The following RAB9B variants were observed in gnomAD, a reference collection of about 807,000 sequenced individuals.
The protein encoded by RAB9B is RAB9B, member RAS oncogene family, also known as ras-related protein Rab-9B.
Under a neutral mutation model 8.9 loss-of-function variants are expected in RAB9B, and 1 was observed. The observed-to-expected ratio is 0.11, with a 90% CI of 0.04 to 0.53. The LOEUF (loss-of-function observed/expected upper bound fraction) is 0.53, where lower values mean the gene tolerates loss of function less well. RAB9B is among the 20% of genes least tolerant of loss of function. The probability of loss-of-function intolerance (pLI) is 0.93; values close to 1 mark genes in which losing one functional copy is unlikely to be tolerated. For synonymous variants in RAB9B, 63 were observed against 57.0 expected, an observed-to-expected ratio of 1.10 and a Z score of -0.47; for missense variants, 82 against 152.9, an observed-to-expected ratio of 0.54 and a Z score of 2.45.
the RAB9B span, among the ~76,000 whole-genome samples, chrX:103,793,583 G>T: frequency 1.4e-3 from 162 of 111,965 alleles, no homozygotes; most frequent in African/African-American, 5.1e-3. Flanking sequence ...ACCATATTTT[G>T]GAGAATTGAT....
At chrX:103,806,978 T>C in the RAB9B span, among the ~76,000 whole-genome samples, 82 of 111,740 alleles carry the variant, frequency 7.3e-4, no homozygotes, top group African/African-American at 2.6e-3. Flanking sequence ...GAAGGAAAAG[T>C]TAAAAGATGG....
chrX:103,781,029 AGGG>A, the RAB9B span: 1 of 191,887 alleles, frequency 5.2e-6, no homozygotes, highest in African/African-American at 2.9e-5. Context: ...TCTATTGTAT[AGGG>A]TTCTTCTATC....
At chrX:103,781,371 T>C in the RAB9B span, 1 of 302,240 alleles carries the variant, frequency 3.3e-6, no homozygotes, top group Admixed American at 3.3e-5. Context: ...TGAGAAGGGC[T>C]TAAAGTTGGA....
chrX:103,813,604 A>G, the RAB9B span, among the ~76,000 whole-genome samples: 1 of 109,154 alleles, frequency 9.2e-6, no homozygotes, highest in African/African-American at 3.3e-5. Context: ...AAATGCCCCA[A>G]TTAAAAGACG....
At chrX:103,787,572 C>T in the RAB9B span, 14 of 444,647 alleles carry the variant, frequency 3.1e-5, no homozygotes, top group East Asian at 5.2e-4. Context: ...CCTCCTCACT[C>T]TTCCCCTACC....
At chrX:103,814,626 T>TA in the RAB9B span, among the ~76,000 whole-genome samples, 1 of 111,053 alleles carries the variant, frequency 9.0e-6, no homozygotes, top group African/African-American at 3.3e-5. Context: ...AAAAAACCCT[T>TA]AAAAAAATCA....
chrX:103,792,948 T>G, the RAB9B span, among the ~76,000 whole-genome samples: 375 of 112,635 alleles, frequency 3.3e-3, 1 homozygote, highest in African/African-American at 0.011. Context: ...CAACTATGGT[T>G]ACTTTTTCAA....
At chrX:103,817,940 T>C (rs950434679), downstream of RAB9B, among the ~76,000 whole-genome samples, 7 of 111,635 alleles carry the variant, frequency 6.3e-5, no homozygotes, top group Admixed American at 1.9e-4. Flanking sequence ...AGCACCTCTC[T>C]TTCCCCAACC....
At chrX:103,789,241 T>G in the RAB9B span, 1 of 689,912 alleles carries the variant, frequency 1.4e-6, no homozygotes, top group South Asian at 2.1e-5. Flanking sequence ...AAGAAAGATA[T>G]CAACACATTC....
chrX:103,793,577 T>C, the RAB9B span, among the ~76,000 whole-genome samples: 1 of 112,084 alleles, frequency 8.9e-6, no homozygotes. Flanking sequence ...CACAGCACCA[T>C]ATTTTGGAGA....
chrX:103,790,838 TAAG>T, the RAB9B span: 24 of 410,295 alleles, frequency 5.8e-5, no homozygotes, highest in Admixed American at 8.1e-5. Context: ...GGGAAATGCC[TAAG>T]AAGATGACTT....
the RAB9B span, among the ~76,000 whole-genome samples, chrX:103,797,281 G>A: frequency 4.6e-5 from 5 of 109,710 alleles, no homozygotes; most frequent in African/African-American, 1.7e-4. Context: ...TTGTAGAGAC[G>A]TGGTTTTGCC....
At chrX:103,802,252 CAGAGAG>C in the RAB9B span, among the ~76,000 whole-genome samples, 10 of 94,356 alleles carry the variant, frequency 1.1e-4, no homozygotes, top group Admixed American at 3.6e-4. Context: ...GGGAGAGAGA[CAGAGAG>C]AGAGAGAGAG....
chrX:103,787,081 A>G, the RAB9B span: 1 of 245,059 alleles, frequency 4.1e-6, no homozygotes, highest in South Asian at 8.9e-5. Context: ...AATGCTGCTC[A>G]TGTGATTGAG....
At chrX:103,813,162 C>G in the RAB9B span, among the ~76,000 whole-genome samples, 1 of 109,877 alleles carries the variant, frequency 9.1e-6, no homozygotes, top group East Asian at 2.8e-4. Flanking sequence ...ATCTTGTGAT[C>G]TGCCTGCCTT....
chrX:103,807,519 C>T, the RAB9B span, among the ~76,000 whole-genome samples: 1 of 112,292 alleles, frequency 8.9e-6, no homozygotes, highest in African/African-American at 3.2e-5. Flanking sequence ...GAAGCAGACC[C>T]TCCCTGCCTT....
chrX:103,793,944 G>T, the RAB9B span, among the ~76,000 whole-genome samples: 1 of 112,575 alleles, frequency 8.9e-6, no homozygotes, highest in South Asian at 3.7e-4. Flanking sequence ...AGTTATGCAG[G>T]ACGTGGAAGC....
rs184246769 is a variant in RAB9B at position 103,823,185 on chromosome X, C to G, written c.*1994G>C. On this transcript the variant is annotated 3_prime_UTR_variant, in exon 3 of 3. Transcript: ENST00000243298. ...AATAATTAGCATTTAACAGTTCTGA[C>G]GTACAGATTTTCACCCTAACATGAT... 9.0e-6 allele frequency: 1 copy of G among 111,109 alleles called. No individual in the cohort carries two copies. Among genetic ancestry groups the G allele is most frequent in the African/African-American group, 3.3e-5 (1 of 30,566 alleles). The allele number at this position is 111,109 out of a possible 1,213,427, so 9.2% of individuals were successfully genotyped here. A position where few individuals can be genotyped will look rare whatever the true frequency, so the allele number is the denominator to read the frequency against.
At chrX:103,798,320 T>A in the RAB9B span, among the ~76,000 whole-genome samples, 1 of 112,314 alleles carries the variant, frequency 8.9e-6, no homozygotes, top group Non-Finnish European at 1.9e-5. Context: ...ACACAATTTA[T>A]ATCTTATTTG....
Sources: gnomAD v4.1 joint callset for allele counts (sites outside exome capture counted in the v4.1 genomes callset) on GRCh38, gnomAD v4.1.1 for gene constraint, MANE v1.5 for transcripts, NCBI Gene and HGNC (gene_info 2026-07-23, HGNC 2026-07-21) for gene names.